The following DRG1 variants were observed in gnomAD, a reference collection of about 807,000 sequenced individuals.
DRG1 encodes the protein developmentally regulated GTP binding protein 1, also known as developmentally-regulated GTP-binding protein 1.
DRG1 carries 19 observed loss-of-function variants against 38.8 expected under a neutral mutation model. That is an observed-to-expected ratio of 0.49 (90% CI 0.34 to 0.72). DRG1 has a LOEUF of 0.72. Ranked by LOEUF, DRG1 falls within the 30% of genes least tolerant of loss-of-function variation. The pLI is 0.01. For synonymous variants in DRG1, 167 were observed against 157.5 expected (o/e 1.06, Z -0.45); for missense variants, 299 against 444.8 (o/e 0.67, Z 2.95).
At chr22:31,405,190 A>G (rs2049982230) in intron 3 of DRG1, among the ~76,000 whole-genome samples, 1 of 147,780 alleles carries the variant, frequency 6.8e-6, no homozygotes, top group Non-Finnish European at 1.5e-5. Context: ...TTTTTTTGAG[A>G]CAGAGTCTTG....
intron 3 of DRG1, among the ~76,000 whole-genome samples, chr22:31,409,451 G>T (rs1406249231): frequency 6.6e-6 from 1 of 152,152 alleles, no homozygotes; most frequent in African/African-American, 2.4e-5. Flanking sequence ...TTGAAGTACA[G>T]ATCCCTATCT....
At chr22:31,403,673 G>C (rs1424600620) in intron 3 of DRG1, among the ~76,000 whole-genome samples, 1 of 152,078 alleles carries the variant, frequency 6.6e-6, no homozygotes, top group Non-Finnish European at 1.5e-5. Flanking sequence ...TAGTAGAAAT[G>C]GGGTTTCACC....
intron 4 of DRG1, among the ~76,000 whole-genome samples, chr22:31,416,925 T>C (rs2050047524): frequency 6.8e-6 from 1 of 146,492 alleles, no homozygotes; most frequent in South Asian, 2.1e-4. Flanking sequence ...AATAGCTGGA[T>C]GTGGTGGTAT....
intron 3 of DRG1, 76 bp downstream of exon 3, chr22:31,403,280 G>C (rs2042952907): frequency 6.9e-7 from 1 of 1,450,838 alleles, no homozygotes; most frequent in Non-Finnish European, 9.2e-7. Flanking sequence ...GGAGCTCACT[G>C]TATGCCAGGC....
intron 4 of DRG1, among the ~76,000 whole-genome samples, chr22:31,416,659 C>T (rs1400722976): frequency 6.6e-6 from 1 of 152,066 alleles, no homozygotes; most frequent in Non-Finnish European, 1.5e-5. Context: ...AATTCCAGCA[C>T]TTTGGGAGGC....
At chr22:31,429,958 G>C (rs1601536216) in intron 8 of DRG1, among the ~76,000 whole-genome samples, 2 of 152,022 alleles carry the variant, frequency 1.3e-5, no homozygotes, top group Non-Finnish European at 2.9e-5. Flanking sequence ...GTAGAGATGG[G>C]GTCTTGCAAT....
intron 4 of DRG1, among the ~76,000 whole-genome samples, chr22:31,414,417 T>C (rs2050033542): frequency 6.6e-6 from 1 of 152,118 alleles, no homozygotes; most frequent in Admixed American, 6.6e-5. Flanking sequence ...CTGGGCAACA[T>C]AGTGATACCT....
chr22:31,414,953 A>T (rs1237502429), intron 4 of DRG1, among the ~76,000 whole-genome samples: 1 of 151,450 alleles, frequency 6.6e-6, no homozygotes, highest in Non-Finnish European at 1.5e-5. Flanking sequence ...CTAATTTTTT[A>T]CTTTTTGAGA....
At chr22:31,406,934 T>C (rs561726198) in intron 3 of DRG1, among the ~76,000 whole-genome samples, 69 of 152,332 alleles carry the variant, frequency 4.5e-4, no homozygotes, top group Admixed American at 1.4e-3. Flanking sequence ...TTGTTTGCCA[T>C]CTGCAGTAGT....
chr22:31,419,104 C>T (rs528718852), intron 4 of DRG1, among the ~76,000 whole-genome samples: 105 of 151,912 alleles, frequency 6.9e-4, no homozygotes, highest in African/African-American at 2.2e-3. Context: ...TATGAGCTCC[C>T]GTGCCCAGCT....
intron 2 of DRG1, among the ~76,000 whole-genome samples, chr22:31,401,773 G>T (rs1312342526): frequency 6.6e-6 from 1 of 151,846 alleles, no homozygotes; most frequent in African/African-American, 2.4e-5. Context: ...CCAAAGTAGG[G>T]CCAGGCGCGG....
At position 31,426,751 on chromosome 22, in the gene DRG1, A is replaced by G. The variant is rs2050113338; in HGVS notation, c.850A>G (p.Lys284Glu). 1 of 1,614,218 alleles carries G rather than the reference A, an allele frequency of 6.2e-7. No homozygotes were observed. Among genetic ancestry groups the G allele is most frequent in the African/African-American group, 1.3e-5 (1 of 75,060 alleles). ...CTGGAATTTTGATGACCTATTGGAA[A>G]AGATCTGGGACTATCTGAAACTAGT... is the stretch of plus-strand genomic sequence containing the variant. The part of the protein sequence containing the change: ...HRWNFDDLLE[K>E]IWDYLKLVRI... The change falls in exon 7 of 9, where the codon AAG (lysine) becomes GAG (glutamate). Residue 284 changes from lysine to glutamate, a missense_variant. Around this residue, in one of 3 missense-constraint regions of DRG1, gnomAD observed 198 missense variants for 268.1 expected, o/e 0.74. Coordinates refer to ENST00000331457, the MANE Select transcript of DRG1 (RefSeq NM_004147.4).
rs190446855 is a variant in DRG1 at position 31,426,030 on chromosome 22, A to G, written c.714-585A>G. On this transcript the variant is annotated intron_variant, in intron 6 of 8. Transcript: ENST00000331457. Reference sequence around the variant, plus strand: ...GGTAGATGCTATATCAGTTTTACCAATATTATTTATTGTACCAATAAATAA... The same window carrying G: ...GGTAGATGCTATATCAGTTTTACCAGTATTATTTATTGTACCAATAAATAA... Among the ~76,000 whole-genome samples, 3 of 152,294 alleles carry G rather than the reference A, an allele frequency of 2.0e-5. No individual in the cohort carries two copies. In the East Asian group the frequency reaches 5.8e-4, roughly 29 times the overall value.
rs1434556300 is a variant in DRG1 at position 31,399,611 on chromosome 22, C to T, written c.-73C>T. On this transcript the variant is annotated 5_prime_UTR_variant, in exon 1 of 9. Transcript: ENST00000331457. ...ACCGCGCCTGCGTGCTGCAGTAGCG[C>T]CTGGTGGCGGTGGCAGTTTGCCCGC... 1 of 1,603,600 alleles carries T rather than the reference C, an allele frequency of 6.2e-7. No individual in the cohort carries two copies. Among genetic ancestry groups the T allele is most frequent in the Non-Finnish European group, 8.5e-7 (1 of 1,170,498 alleles).
chr22:31,424,340 G>A (rs1241061792), intron 6 of DRG1, among the ~76,000 whole-genome samples: 7 of 151,794 alleles, frequency 4.6e-5, no homozygotes, highest in South Asian at 2.1e-4. Context: ...TAGTAGAGAC[G>A]GGGTTTCATC....
chr22:31,412,467 C>A (rs12158643), intron 4 of DRG1, among the ~76,000 whole-genome samples: 15 of 149,464 alleles, frequency 1.0e-4, no homozygotes, highest in Non-Finnish European at 2.1e-4. Context: ...TCTCCTGCCT[C>A]AGCCTCCTGA....
intron 8 of DRG1, among the ~76,000 whole-genome samples, chr22:31,430,923 G>T (rs2050134975): frequency 6.8e-6 from 1 of 148,036 alleles, no homozygotes; most frequent in Non-Finnish European, 1.5e-5. Context: ...TCCCTATGTT[G>T]CCCTGGCTGG....
At position 31,408,642 on chromosome 22, in the gene DRG1, G is replaced by T. The variant is rs548939177; in HGVS notation, c.343-2370G>T. Among the ~76,000 whole-genome samples the T allele has an allele frequency of 2.0e-5, 3 of 151,108 alleles. No individual in the cohort carries two copies. The East Asian group carries it at 6.0e-4, about 30-fold the overall frequency. ...GTGGCGAGCACCTGTAATCCCAGCT[G>T]CTCAGGAGGCTGAGGTGCGAGAATC... On this transcript the variant is annotated intron_variant, in intron 3 of 8. Transcript: ENST00000331457.
chr22:31,412,403 T>C (rs928347282), intron 4 of DRG1, among the ~76,000 whole-genome samples: 1 of 145,428 alleles, frequency 6.9e-6, no homozygotes, highest in Non-Finnish European at 1.5e-5. Context: ...CAGGCTAGAA[T>C]GCTGTGGTGC....
Sources: gnomAD v4.1 joint callset for allele counts (sites outside exome capture counted in the v4.1 genomes callset) on GRCh38, gnomAD v4.1.1 for gene constraint, gnomAD v4.1.1 regional missense constraint, MANE v1.5 for transcripts, NCBI Gene and HGNC (gene_info 2026-07-23, HGNC 2026-07-21) for gene names.